Variants in SOX6 observed in about 807,000 individuals in gnomAD.
The protein encoded by SOX6 is transcription factor SOX-6.
A neutral mutation model predicts 97.8 loss-of-function variants in SOX6; 11 were observed. That is an observed-to-expected ratio of 0.11 (90% CI 0.07 to 0.19). The LOEUF is 0.19. Among genes scored for constraint, SOX6 ranks in the 10% least tolerant of loss-of-function variants. The probability of loss-of-function intolerance (pLI) is 1.00; values close to 1 mark genes in which losing one functional copy is unlikely to be tolerated. For synonymous variants in SOX6, 360 were observed against 371.4 expected, an observed-to-expected ratio of 0.97 and a Z score of 0.35; for missense variants, 810 against 1,039.5, an observed-to-expected ratio of 0.78 and a Z score of 3.04.
intron 1 of SOX6, among the ~76,000 whole-genome samples, chr11:16,393,413 AAT>A (rs869055271): frequency 7.3e-6 from 1 of 136,868 alleles, no homozygotes; most frequent in Non-Finnish European, 1.6e-5. Context: ...TTTCAAAAAA[AAT>A]ATCCCTCTAC....
intron 3 of SOX6, among the ~76,000 whole-genome samples, chr11:16,294,499 A>G (rs1317127083): frequency 6.6e-6 from 1 of 152,110 alleles, no homozygotes. Context: ...GCTCAATGAA[A>G]TCTCAAATCA....
At chr11:16,049,277 C>T (rs187746048) in intron 11 of SOX6, among the ~76,000 whole-genome samples, 34 of 152,242 alleles carry the variant, frequency 2.2e-4, no homozygotes, top group African/African-American at 6.5e-4. Context: ...ATTATGACAT[C>T]TTTTCCTACA....
chr11:15,980,638 T>C (rs1853627494), intron 15 of SOX6, among the ~76,000 whole-genome samples: 1 of 151,994 alleles, frequency 6.6e-6, no homozygotes, highest in Non-Finnish European at 1.5e-5. Flanking sequence ...TTTTTTACTA[T>C]TGAATATATC....
intron 3 of SOX6, among the ~76,000 whole-genome samples, chr11:16,285,723 A>G (rs529812749): frequency 3.5e-4 from 54 of 152,224 alleles, no homozygotes; most frequent in African/African-American, 1.2e-3. Context: ...GTATCCTATG[A>G]TCATCACAAA....
chr11:16,285,905 C>A (rs1194484174), intron 3 of SOX6, among the ~76,000 whole-genome samples: 2 of 152,042 alleles, frequency 1.3e-5, no homozygotes, highest in African/African-American at 4.8e-5. Flanking sequence ...ATATAATATA[C>A]ATTTGTTTGT....
intron 3 of SOX6, among the ~76,000 whole-genome samples, chr11:16,241,412 G>A (rs867413809): frequency 1.2e-4 from 19 of 152,090 alleles, no homozygotes; most frequent in East Asian, 3.9e-4. Flanking sequence ...ATTACTCATC[G>A]TGACATCTTC....
intron 6 of SOX6, among the ~76,000 whole-genome samples, chr11:16,113,317 T>G (rs1849272759): frequency 6.6e-6 from 1 of 152,230 alleles, no homozygotes; most frequent in Admixed American, 6.5e-5. Context: ...AATAAAAAGG[T>G]CTTTGTGCAA....
intron 4 of SOX6, among the ~76,000 whole-genome samples, chr11:16,506,085 G>T (rs868098512): frequency 6.6e-6 from 1 of 152,168 alleles, no homozygotes; most frequent in East Asian, 1.9e-4. Flanking sequence ...TGAGAAGGGG[G>T]CCACTGTACT....
chr11:16,603,734 G>A (rs1193946900), intron 4 of SOX6, among the ~76,000 whole-genome samples: 1 of 152,160 alleles, frequency 6.6e-6, no homozygotes, highest in East Asian at 1.9e-4. Context: ...CATTCAGTCT[G>A]CACTCTGCGC....
chr11:16,363,394 T>C (rs988130515), intron 1 of SOX6, among the ~76,000 whole-genome samples: 2 of 152,184 alleles, frequency 1.3e-5, no homozygotes, highest in African/African-American at 4.8e-5. Flanking sequence ...TTTGGATTTT[T>C]AGATTTTCAG....
intron 12 of SOX6, among the ~76,000 whole-genome samples, chr11:16,043,873 T>C (rs1855750137): frequency 6.6e-6 from 1 of 152,050 alleles, no homozygotes; most frequent in South Asian, 2.1e-4. Context: ...CCTCTTCCCA[T>C]GGCGTCACTT....
intron 5 of SOX6, 104 bp from the exon 6 acceptor site, chr11:16,184,058 A>G: frequency 1.0e-6 from 1 of 1,000,598 alleles, no homozygotes; most frequent in Non-Finnish European, 1.5e-6. Context: ...CCGCACCTCT[A>G]TGTGAAAGAG....
At chr11:16,686,977 T>C (rs61881961) in intron 3 of SOX6, among the ~76,000 whole-genome samples, 1 of 150,866 alleles carries the variant, frequency 6.6e-6, no homozygotes, top group East Asian at 1.9e-4. Flanking sequence ...AAAAAAAAAT[T>C]AGCCAGGCGT....
intron 4 of SOX6, among the ~76,000 whole-genome samples, chr11:16,575,429 G>C (rs1179939434): frequency 6.6e-6 from 1 of 151,914 alleles, no homozygotes; most frequent in Non-Finnish European, 1.5e-5. Context: ...TGGCCACTAA[G>C]AATGAATATA....
chr11:16,623,213 G>A (rs1848569971), intron 3 of SOX6, among the ~76,000 whole-genome samples: 1 of 152,010 alleles, frequency 6.6e-6, no homozygotes, highest in African/African-American at 2.4e-5. Context: ...TAGAGACGGG[G>A]TTTCACCATG....
chr11:16,382,555 A>G (rs1034329845), intron 1 of SOX6, among the ~76,000 whole-genome samples: 4 of 152,022 alleles, frequency 2.6e-5, no homozygotes, highest in African/African-American at 9.7e-5. Context: ...TCAACACTCA[A>G]TTCAGCTGTT....
Position 16,449,378 on chromosome 11 carries a change from C to T in SOX6, c.-5+26937G>A, listed in dbSNP as rs145292498. Among the ~76,000 whole-genome samples, 980 of 146,258 alleles carry T rather than the reference C, an allele frequency of 6.7e-3. 11 individuals carry two copies. Among genetic ancestry groups the T allele is most frequent in the African/African-American group, 0.024 (931 of 39,106 alleles). ...AGCCATCTCGGCTCACTGCAAGCTC[C>T]GCCTCCCGGGTTCGCGCCATTCTCC... On this transcript the variant is annotated intron_variant, in intron 1 of 15. Coordinates refer to the SOX6 transcript ENST00000396356.
intron 4 of SOX6, among the ~76,000 whole-genome samples, chr11:16,574,763 A>AT (rs968165487): frequency 4.6e-5 from 7 of 152,096 alleles, no homozygotes; most frequent in African/African-American, 1.4e-4. Context: ...ACTACAAATC[A>AT]TTTTTTTTAA....
In SOX6 at chr11:16,614,467, A is replaced by C. The variant is rs1848444688; in HGVS notation, n.430-2207T>G. Among the ~76,000 whole-genome samples, 3 of 152,286 alleles carry C rather than the reference A, an allele frequency of 2.0e-5. 1 individual carries two copies. Among genetic ancestry groups the C allele is most frequent in the South Asian group, 4.2e-4 (2 of 4,810 alleles). The stretch of plus-strand genomic sequence containing the variant: ...CTCTATAGTCGCCCATTTCTCAGGA[A>C]ATCAGTCCTTCTGAGTGTCTAACAA... On this transcript the variant is annotated intron_variant and non_coding_transcript_variant, in intron 3 of 5. Coordinates refer to the SOX6 transcript ENST00000524520.
Sources: gnomAD v4.1 joint callset for allele counts (sites outside exome capture counted in the v4.1 genomes callset) on GRCh38, gnomAD v4.1.1 for gene constraint, MANE v1.5 for transcripts, NCBI Gene and HGNC (gene_info 2026-07-23, HGNC 2026-07-21) for gene names.